The following TMEM170B variants were observed in gnomAD, a reference collection of about 807,000 sequenced individuals.
TMEM170B encodes transmembrane protein 170B.
Under a neutral mutation model 13.0 loss-of-function variants are expected in TMEM170B, and 6 were observed. The observed-to-expected ratio is 0.46, with a 90% confidence interval of 0.25 to 0.91. TMEM170B has a LOEUF of 0.91. Ranked by LOEUF, TMEM170B falls within the 40% of genes least tolerant of loss-of-function variation. The pLI is 0.17. For missense variants in TMEM170B, 138 were observed against 165.2 expected (o/e 0.84, Z 0.90); for synonymous variants, 61 against 64.9 (o/e 0.94, Z 0.29).
At chr6:11,547,684 T>C (rs1431305496) in intron 1 of TMEM170B, among the ~76,000 whole-genome samples, 1 of 151,392 alleles carries the variant, frequency 6.6e-6, no homozygotes, top group East Asian at 1.9e-4. Flanking sequence ...TCATTAGGGA[T>C]TTTTTTTTGT....
intron 1 of TMEM170B, among the ~76,000 whole-genome samples, chr6:11,545,280 C>CTCTGTGTGTGTGTGTGTGTG (rs1442789332): frequency 1.1e-3 from 153 of 139,806 alleles, no homozygotes; most frequent in Middle Eastern, 3.7e-3. Context: ...CTCTCTCTCT[C>CTCTGTGTGTGTGTGTGTGTG]TGTGTGTGTG....
chr6:11,559,716 A>G (rs1291847840), intron 1 of TMEM170B, among the ~76,000 whole-genome samples: 1 of 152,178 alleles, frequency 6.6e-6, no homozygotes, highest in African/African-American at 2.4e-5. Context: ...TGCAAGTTCT[A>G]CACTTCAGAT....
Position 11,538,793 on chromosome 6 carries a change from A to G in TMEM170B, c.97+419A>G, listed in dbSNP as rs957713409. Among the ~76,000 whole-genome samples the G allele has an allele frequency of 2.0e-5, 3 of 152,050 alleles. No individual in the cohort carries two copies. In the East Asian group the frequency reaches 5.8e-4, roughly 29 times the overall value. On this transcript the variant is annotated intron_variant, in intron 1 of 2. Transcript: ENST00000379426. ...ATTTAGTTCTTTTTCTTTCTGGCAA[A>G]TCTCAAGCCAAATGTAGAACCTAAA... is the stretch of plus-strand genomic sequence containing the variant.
At chr6:11,562,435 A>G (rs1463188273) in intron 1 of TMEM170B, among the ~76,000 whole-genome samples, 1 of 150,610 alleles carries the variant, frequency 6.6e-6, no homozygotes, top group Admixed American at 6.7e-5. Context: ...CATGCATGGT[A>G]GTTTAACACA....
chr6:11,544,318 T>G (rs1158270907), intron 1 of TMEM170B, among the ~76,000 whole-genome samples: 3 of 152,210 alleles, frequency 2.0e-5, no homozygotes. Flanking sequence ...TTAAGGATGC[T>G]GAGTCAGTAA....
At chr6:11,564,169 C>T (rs1759706514) in intron 1 of TMEM170B, among the ~76,000 whole-genome samples, 1 of 152,188 alleles carries the variant, frequency 6.6e-6, no homozygotes, top group Non-Finnish European at 1.5e-5. Context: ...CACCTCTTGG[C>T]TATTGTGAAT....
intron 1 of TMEM170B, among the ~76,000 whole-genome samples, chr6:11,560,813 G>A (rs1759654270): frequency 6.6e-6 from 1 of 152,114 alleles, no homozygotes; most frequent in Non-Finnish European, 1.5e-5. Context: ...TATACAATAT[G>A]TACCATTCTT....
In TMEM170B at chr6:11,565,797, A is replaced by G. The variant is rs772958602; in HGVS notation, c.229A>G (p.Ile77Val). 8 of 1,614,044 alleles carry G rather than the reference A, an allele frequency of 5.0e-6. No individual in the cohort carries two copies. The highest frequency in any genetic ancestry group is 1.1e-5 in the South Asian group (1 of 91,094). The change falls in exon 2 of 3, where the codon ATT (isoleucine) becomes GTT (valine). Residue 77 changes from isoleucine (I) to valine (V), a missense_variant. By Grantham distance (29) the Ile-to-Val change is conservative (BLOSUM62 3). Transcript: ENST00000379426. ...GRVISVIAVS[I>V]GFLASVTGAM... is the part of the protein sequence containing the mutation. ...AGTCATCTCTGTCATTGCAGTCAGC[A>G]TTGGATTTCTGGCTTCTGTAACTGG...
chr6:11,544,152 A>C (rs1285323086), intron 1 of TMEM170B, among the ~76,000 whole-genome samples: 6 of 152,168 alleles, frequency 3.9e-5, no homozygotes, highest in Non-Finnish European at 5.9e-5. Flanking sequence ...ATAGCTTGTT[A>C]ACTCAGGCAG....
chr6:11,549,459 C>G (rs12208387), intron 1 of TMEM170B, among the ~76,000 whole-genome samples: 1 of 152,000 alleles, frequency 6.6e-6, no homozygotes, highest in Non-Finnish European at 1.5e-5. Flanking sequence ...GTCAGGAGAT[C>G]GAGACCATCC....
chr6:11,538,039 C>G lies in TMEM170B; in HGVS notation c.-239C>G, dbSNP rs1242872520. On this transcript the variant is annotated 5_prime_UTR_variant, in exon 1 of 3. Transcript: ENST00000379426. ...CGCCCGGCCCCCTCCCCTCCTTCCTCCGTCCGCCGTCCTCAATGTCTCCCC... is the reference window on the plus strand; with the variant it reads ...CGCCCGGCCCCCTCCCCTCCTTCCTGCGTCCGCCGTCCTCAATGTCTCCCC... Among the ~76,000 whole-genome samples, 2 of 151,272 alleles carry G rather than the reference C, an allele frequency of 1.3e-5. No individual in the cohort carries two copies. The highest frequency in any genetic ancestry group is 3.0e-5 in the Non-Finnish European group (2 of 67,648).
At chr6:11,549,079 T>TA (rs892016694) in intron 1 of TMEM170B, among the ~76,000 whole-genome samples, 17 of 151,856 alleles carry the variant, frequency 1.1e-4, no homozygotes, top group African/African-American at 2.2e-4. Context: ...ATAATAATAA[T>TA]AAAAAAAGAG....
At chr6:11,573,165 T>G (rs1759827331) in intron 2 of TMEM170B, among the ~76,000 whole-genome samples, 1 of 152,196 alleles carries the variant, frequency 6.6e-6, no homozygotes, top group Non-Finnish European at 1.5e-5. Context: ...TTACCCTTTT[T>G]TTGTGGTCTT....
Position 11,576,765 on chromosome 6 carries a change from T to C in TMEM170B, c.*1204T>C, listed in dbSNP as rs1265585238. ...TTGGCAATTAGTCTCAGCATATCAATGCAGTACTGAGCGTGTATTAGAGTA... is the reference window on the plus strand; with the variant it reads ...TTGGCAATTAGTCTCAGCATATCAACGCAGTACTGAGCGTGTATTAGAGTA... On this transcript the variant is annotated 3_prime_UTR_variant, in exon 3 of 3. Transcript: ENST00000379426. 1.3e-5 allele frequency: 2 copies of C among 152,160 alleles called. No homozygotes were observed. The highest frequency in any genetic ancestry group is 2.9e-5 in the Non-Finnish European group (2 of 67,970). The allele number at this position is 152,160 out of a possible 1,614,324, so 9.4% of individuals were successfully genotyped here. A position where few individuals can be genotyped will look rare whatever the true frequency, so the allele number is the denominator to read the frequency against.
In TMEM170B at chr6:11,582,895, A is replaced by G. The variant is rs1414580929; in HGVS notation, c.*7334A>G. On this transcript the variant is annotated 3_prime_UTR_variant, in exon 3 of 3. Transcript: ENST00000379426. ...ATGAGTATGTGTACTGCATGTTTAC[A>G]TAAAACAGTTTAATTTTGAAGGATT... is the stretch of plus-strand genomic sequence containing the variant. 6.6e-6 allele frequency: 1 copy of G among 152,218 alleles called. No homozygotes were observed. The highest frequency in any genetic ancestry group is 2.4e-5 in the African/African-American group (1 of 41,474). The allele number at this position is 152,218 out of a possible 1,614,324, so 9.4% of individuals were successfully genotyped here. A position where few individuals can be genotyped will look rare whatever the true frequency, so the allele number is the denominator to read the frequency against.
At chr6:11,561,611 A>G (rs1759666521) in intron 1 of TMEM170B, among the ~76,000 whole-genome samples, 1 of 152,196 alleles carries the variant, frequency 6.6e-6, no homozygotes, top group South Asian at 2.1e-4. Context: ...GGTTATGTTG[A>G]TCTGTCAGGT....
chr6:11,570,066 G>A (rs540451467), intron 2 of TMEM170B, among the ~76,000 whole-genome samples: 31 of 152,052 alleles, frequency 2.0e-4, no homozygotes, highest in African/African-American at 7.2e-4. Flanking sequence ...GTATGATAAT[G>A]ATTTTTATTA....
chr6:11,565,662 T>C lies in TMEM170B; in HGVS notation c.98-4T>C, dbSNP rs1561687593. On this transcript the variant is annotated splice_region_variant and splice_polypyrimidine_tract_variant and intron_variant, in intron 1 of 2. Transcript: ENST00000379426. ...GATGATTAATACTTTGCTTTTCCTTTCAGAGATGTGGTACTGGATCTTCCT... is the reference window on the plus strand; with the variant it reads ...GATGATTAATACTTTGCTTTTCCTTCCAGAGATGTGGTACTGGATCTTCCT... The C allele has an allele frequency of 5.6e-6, 9 of 1,613,726 alleles. No homozygotes were observed. Among genetic ancestry groups the C allele is most frequent in the Non-Finnish European group, 7.6e-6 (9 of 1,179,812 alleles).
At position 11,537,785 on chromosome 6, in the gene TMEM170B, C is replaced by A. The variant is rs982434552; in HGVS notation, c.-493C>A. On this transcript the variant is annotated 5_prime_UTR_variant, in exon 1 of 3. Coordinates refer to ENST00000379426, the MANE Select transcript of TMEM170B (RefSeq NM_001100829.3). The stretch of plus-strand genomic sequence containing the variant: ...GGCGACCCGAGGGCGGGCAGGCGGG[C>A]GGCAGGTGCCGCCGCAGCCTCTGGC... Among the ~76,000 whole-genome samples, 2 of 151,350 alleles carry A rather than the reference C, an allele frequency of 1.3e-5. No individual in the cohort carries two copies. The highest frequency in any genetic ancestry group is 3.0e-5 in the Non-Finnish European group (2 of 67,594).
Sources: gnomAD v4.1 joint callset for allele counts (sites outside exome capture counted in the v4.1 genomes callset) on GRCh38, gnomAD v4.1.1 for gene constraint, MANE v1.5 for transcripts, NCBI Gene and HGNC (gene_info 2026-07-23, HGNC 2026-07-21) for gene names.